Variants in PLPP4 observed in about 807,000 individuals in gnomAD.
PLPP4 encodes diacylglycerol pyrophosphate like 2.
A neutral mutation model predicts 32.2 loss-of-function variants in PLPP4; 20 were observed. The observed-to-expected ratio is 0.62, with a 90% confidence interval of 0.44 to 0.90. The LOEUF (loss-of-function observed/expected upper bound fraction) is 0.90, where lower values mean the gene tolerates loss of function less well. Among genes scored for constraint, PLPP4 ranks in the 40% least tolerant of loss-of-function variants. The probability of loss-of-function intolerance (pLI) is 0.00; values close to 1 mark genes in which losing one functional copy is unlikely to be tolerated. For missense variants in PLPP4, 257 were observed against 353.1 expected (o/e 0.73, Z 2.18); for synonymous variants, 127 against 133.0 (o/e 0.95, Z 0.31).
At chr10:120,458,515 G>T (rs77111602) in intron 1 of PLPP4, among the ~76,000 whole-genome samples, 4,635 of 152,202 alleles carry the variant, frequency 0.03, 89 homozygotes, top group East Asian at 0.074. Flanking sequence ...CAGCCCAGGG[G>T]ATACACATGG....
chr10:120,516,552 T>C (rs1245991904), intron 3 of PLPP4, among the ~76,000 whole-genome samples: 1 of 152,242 alleles, frequency 6.6e-6, no homozygotes, highest in Non-Finnish European at 1.5e-5. Context: ...TCTCCTGGAA[T>C]GCTTATAACC....
intron 5 of PLPP4, among the ~76,000 whole-genome samples, chr10:120,559,469 A>G (rs1848320180): frequency 6.6e-6 from 1 of 152,220 alleles, no homozygotes; most frequent in South Asian, 2.1e-4. Context: ...CTTTTTAAAA[A>G]GAACTTTACA....
chr10:120,514,038 C>T (rs756242987), intron 3 of PLPP4, 37 bp downstream of exon 3: 3 of 1,438,846 alleles, frequency 2.1e-6, no homozygotes, highest in Non-Finnish European at 2.9e-6. Flanking sequence ...GGGAATGGGG[C>T]TGACCTTAAT....
chr10:120,565,263 A>G (rs1466649914), intron 5 of PLPP4, among the ~76,000 whole-genome samples: 1 of 151,740 alleles, frequency 6.6e-6, no homozygotes, highest in Admixed American at 6.6e-5. Context: ...TATCAGCCTT[A>G]CAACTTTCTG....
rs73371273 is a variant in PLPP4, at chr10:120,551,405, A to G, written c.446-23726A>G. ...TTGCCCAAGAGAAATAAAAACATAC[A>G]TTCATAAAAGGTCTTGTACAAAATA... is the stretch of plus-strand genomic sequence containing the variant. On this transcript the variant is annotated intron_variant, in intron 5 of 6. Transcript: ENST00000398250. Among the ~76,000 whole-genome samples, 1,157 of 152,332 alleles carry G rather than the reference A, an allele frequency of 7.6e-3. 19 individuals carry two copies. Among genetic ancestry groups the G allele is most frequent in the African/African-American group, 0.027 (1,118 of 41,578 alleles).
At chr10:120,543,051 G>C (rs11199387) in intron 5 of PLPP4, among the ~76,000 whole-genome samples, 31,249 of 152,150 alleles carry the variant, frequency 0.21, 3,235 homozygotes, top group Admixed American at 0.23. Flanking sequence ...CAGGACGGTG[G>C]GTGAGTGTGG....
intron 5 of PLPP4, among the ~76,000 whole-genome samples, chr10:120,571,373 G>A (rs572857910): frequency 6.6e-5 from 10 of 152,044 alleles, no homozygotes; most frequent in Non-Finnish European, 1.3e-4. Flanking sequence ...CAGAAAGCTA[G>A]GACTGTGCTT....
chr10:120,459,247 A>G (rs552766529), intron 1 of PLPP4, among the ~76,000 whole-genome samples: 1 of 152,352 alleles, frequency 6.6e-6, no homozygotes, highest in East Asian at 1.9e-4. Context: ...CTGTTGTCAC[A>G]CATGGACATT....
At chr10:120,470,287 A>G (rs2133791644) in intron 1 of PLPP4, among the ~76,000 whole-genome samples, 1 of 152,206 alleles carries the variant, frequency 6.6e-6, no homozygotes, top group East Asian at 1.9e-4. Context: ...TTTCTATTGG[A>G]TCTCTGAATT....
At chr10:120,523,857 C>T (rs181141080) in intron 5 of PLPP4, among the ~76,000 whole-genome samples, 5 of 152,118 alleles carry the variant, frequency 3.3e-5, no homozygotes, top group Admixed American at 2.6e-4. Flanking sequence ...AACTTGGGAA[C>T]GAAATAGCTG....
intron 2 of PLPP4, among the ~76,000 whole-genome samples, chr10:120,511,457 C>T (rs1845726020): frequency 6.6e-6 from 1 of 152,174 alleles, no homozygotes; most frequent in Non-Finnish European, 1.5e-5. Context: ...CTGGGATTGC[C>T]TTGAAATGTT....
intron 1 of PLPP4, among the ~76,000 whole-genome samples, chr10:120,486,836 G>A (rs957472367): frequency 2.6e-5 from 4 of 152,158 alleles, no homozygotes; most frequent in African/African-American, 9.7e-5. Flanking sequence ...TGGAGCAGAG[G>A]CTCCCTGGGC....
At chr10:120,506,180 T>G (rs1421778819) in intron 2 of PLPP4, among the ~76,000 whole-genome samples, 2 of 152,222 alleles carry the variant, frequency 1.3e-5, no homozygotes, top group Non-Finnish European at 2.9e-5. Flanking sequence ...ATACCCTCTA[T>G]TCTAATGAAA....
chr10:120,499,560 G>A (rs769417931), intron 1 of PLPP4, among the ~76,000 whole-genome samples: 19 of 152,136 alleles, frequency 1.2e-4, no homozygotes, highest in African/African-American at 4.1e-4. Context: ...GGTGGGGCTG[G>A]AGATTCTCCA....
chr10:120,502,427 A>G (rs1269777732), intron 1 of PLPP4, among the ~76,000 whole-genome samples: 1 of 152,194 alleles, frequency 6.6e-6, no homozygotes, highest in Non-Finnish European at 1.5e-5. Flanking sequence ...GATATGCAAT[A>G]GAATTGAGAG....
At chr10:120,494,605 G>A (rs776793771) in intron 1 of PLPP4, among the ~76,000 whole-genome samples, 14 of 152,176 alleles carry the variant, frequency 9.2e-5, no homozygotes, top group Non-Finnish European at 1.3e-4. Flanking sequence ...TGGTAATTCC[G>A]GGAGCTGTTC....
chr10:120,491,167 G>A (rs1388986094), intron 1 of PLPP4, among the ~76,000 whole-genome samples: 1 of 152,138 alleles, frequency 6.6e-6, no homozygotes, highest in Admixed American at 6.5e-5. Context: ...GTGCTAAGGT[G>A]CATCTGAGCT....
intron 1 of PLPP4, among the ~76,000 whole-genome samples, chr10:120,470,103 G>A (rs1482032771): frequency 6.6e-6 from 1 of 152,238 alleles, no homozygotes; most frequent in Non-Finnish European, 1.5e-5. Flanking sequence ...GTGTGAAGGT[G>A]TCCATCATTA....
chr10:120,475,328 G>T (rs1843851019), intron 1 of PLPP4, among the ~76,000 whole-genome samples: 1 of 151,966 alleles, frequency 6.6e-6, no homozygotes, highest in South Asian at 2.1e-4. Context: ...GCTGGGCCCA[G>T]CACCTCAATG....
Sources: gnomAD v4.1 joint callset for allele counts (sites outside exome capture counted in the v4.1 genomes callset) on GRCh38, gnomAD v4.1.1 for gene constraint, MANE v1.5 for transcripts, NCBI Gene and HGNC (gene_info 2026-07-23, HGNC 2026-07-21) for gene names.